CAMTA1: variants seen among roughly 807,000 people sequenced by gnomAD.
CAMTA1 encodes the protein calmodulin binding transcription activator 1.
In CAMTA1, 27 loss-of-function variants were observed where a neutral mutation model predicts 170.9. That is an observed-to-expected ratio of 0.16 (90% CI 0.12 to 0.22). The LOEUF (loss-of-function observed/expected upper bound fraction) is 0.22, where lower values mean the gene tolerates loss of function less well. Among genes scored for constraint, CAMTA1 ranks in the 10% least tolerant of loss-of-function variants. The pLI, the probability that CAMTA1 is intolerant of heterozygous loss-of-function variation, is 1.00. For missense variants in CAMTA1, 1,619 were observed against 2,217.2 expected (o/e 0.73, Z 5.42); for synonymous variants, 833 against 891.5 (o/e 0.93, Z 1.17).
At position 7,698,066 on chromosome 1, in the gene CAMTA1, G is replaced by A. The variant is rs74054228; in HGVS notation, c.2914+20333G>A. 8.5e-3 allele frequency among the ~76,000 whole-genome samples: 839 copies of A among 98,258 alleles called. 9 individuals carry two copies. Among genetic ancestry groups the A allele is most frequent in the African/African-American group, 0.03 (751 of 24,702 alleles). The allele number at this position is 98,258 out of a possible 152,430, so 64.5% of individuals were successfully genotyped here. A position where few individuals can be genotyped will look rare whatever the true frequency, so the allele number is the denominator to read the frequency against. ...TGCTCTGTCAGGTCATGCTGGCCACGCACTGTGACCCCCCCCCCCCCCACC... is the reference window on the plus strand; with the variant it reads ...TGCTCTGTCAGGTCATGCTGGCCACACACTGTGACCCCCCCCCCCCCCACC... On this transcript the variant is annotated intron_variant, in intron 11 of 22. Coordinates refer to ENST00000303635, the MANE Select transcript of CAMTA1 (RefSeq NM_015215.4).
intron 3 of CAMTA1, among the ~76,000 whole-genome samples, chr1:6,836,112 C>T (rs1014036201): frequency 9.2e-5 from 14 of 152,076 alleles, no homozygotes; most frequent in African/African-American, 2.9e-4. Flanking sequence ...CAAGTCTTTT[C>T]GAATACTGCC....
At chr1:6,884,981 A>G (rs1672784909) in intron 3 of CAMTA1, among the ~76,000 whole-genome samples, 1 of 152,250 alleles carries the variant, frequency 6.6e-6, no homozygotes, top group Non-Finnish European at 1.5e-5. Flanking sequence ...CTCATTACAT[A>G]CATTTTCTTA....
chr1:7,019,313 A>T (rs1030532164), intron 3 of CAMTA1, among the ~76,000 whole-genome samples: 8 of 150,968 alleles, frequency 5.3e-5, no homozygotes, highest in African/African-American at 1.9e-4. Context: ...GGACACCTAG[A>T]AATAGGTTCC....
chr1:7,022,463 A>G (rs1454209470), intron 3 of CAMTA1, among the ~76,000 whole-genome samples: 1 of 152,202 alleles, frequency 6.6e-6, no homozygotes, highest in African/African-American at 2.4e-5. Flanking sequence ...TAATTAGTCT[A>G]GGATGACATA....
chr1:7,378,141 T>G (rs2086989038), intron 5 of CAMTA1, among the ~76,000 whole-genome samples: 1 of 152,156 alleles, frequency 6.6e-6, no homozygotes, highest in Non-Finnish European at 1.5e-5. Flanking sequence ...GAGATGGTGT[T>G]AGAGGAAATT....
chr1:7,543,224 A>G (rs1239652831), intron 6 of CAMTA1, among the ~76,000 whole-genome samples: 2 of 152,184 alleles, frequency 1.3e-5, no homozygotes, highest in African/African-American at 2.4e-5. Context: ...GCTGTAATTT[A>G]GTCATTTCCT....
intron 16 of CAMTA1, among the ~76,000 whole-genome samples, chr1:7,743,951 C>G (rs551797080): frequency 1.3e-5 from 2 of 150,290 alleles, no homozygotes; most frequent in East Asian, 3.9e-4. Flanking sequence ...CTCAGCCTCC[C>G]GAGTAGCTGG....
chr1:7,753,879 A>G (rs2096914389), intron 21 of CAMTA1, among the ~76,000 whole-genome samples: 1 of 152,252 alleles, frequency 6.6e-6, no homozygotes, highest in Admixed American at 6.5e-5. Context: ...AGTACTCTGA[A>G]ACAGGAAGTC....
At chr1:6,878,373 C>T (rs1365835233) in intron 3 of CAMTA1, among the ~76,000 whole-genome samples, 3 of 152,208 alleles carry the variant, frequency 2.0e-5, no homozygotes, top group South Asian at 2.1e-4. Flanking sequence ...GATCACAAGA[C>T]GTGTGGTTTT....
At chr1:7,657,455 T>G (rs1226009248) in intron 7 of CAMTA1, among the ~76,000 whole-genome samples, 1 of 152,150 alleles carries the variant, frequency 6.6e-6, no homozygotes, top group Non-Finnish European at 1.5e-5. Context: ...TGGGAATTCC[T>G]CTTTCTGTGC....
At chr1:7,324,477 A>AT (rs1052078624) in intron 5 of CAMTA1, among the ~76,000 whole-genome samples, 2 of 151,820 alleles carry the variant, frequency 1.3e-5, no homozygotes, top group African/African-American at 4.8e-5. Context: ...GTTTGAATTT[A>AT]TTTTTTCCAT....
chr1:7,261,369 T>C (rs1668142162), intron 5 of CAMTA1, among the ~76,000 whole-genome samples: 1 of 152,250 alleles, frequency 6.6e-6, no homozygotes, highest in Non-Finnish European at 1.5e-5. Flanking sequence ...GCTGAGATGC[T>C]GGTAGAGACC....
At chr1:7,311,425 A>G (rs1676715197) in intron 5 of CAMTA1, among the ~76,000 whole-genome samples, 5 of 152,158 alleles carry the variant, frequency 3.3e-5, no homozygotes, top group Admixed American at 3.3e-4. Context: ...GGTAATTTTC[A>G]GTTCTAAAAT....
At chr1:7,135,059 C>T (rs1645466378) in intron 4 of CAMTA1, among the ~76,000 whole-genome samples, 2 of 152,100 alleles carry the variant, frequency 1.3e-5, no homozygotes, top group Admixed American at 1.3e-4. Context: ...ACAGTGAGAT[C>T]CTACCTCACA....
intron 6 of CAMTA1, among the ~76,000 whole-genome samples, chr1:7,605,134 G>T (rs919498583): frequency 2.0e-5 from 3 of 152,186 alleles, no homozygotes; most frequent in Admixed American, 6.5e-5. Flanking sequence ...GGGGGTCAGG[G>T]ACCCACTTGA....
chr1:7,180,252 AGCTACTTGGGAG>A (rs1263239488), intron 4 of CAMTA1, among the ~76,000 whole-genome samples: 2 of 152,074 alleles, frequency 1.3e-5, no homozygotes, highest in African/African-American at 2.4e-5. Flanking sequence ...CTGTAATCCC[AGCTACTTGGGAG>A]GCTGAGGCAG....
intron 4 of CAMTA1, among the ~76,000 whole-genome samples, chr1:7,221,091 G>T (rs576417603): frequency 6.6e-6 from 1 of 152,206 alleles, no homozygotes; most frequent in South Asian, 2.1e-4. Flanking sequence ...TGAATGGCCC[G>T]GCTTTCTCAG....
At position 6,940,231 on chromosome 1, in the gene CAMTA1, T is replaced by TCTA. The variant is rs576943715; in HGVS notation, c.234+115024_234+115026dup. Among the ~76,000 whole-genome samples the TCTA allele has an allele frequency of 1.3e-4, 20 of 152,340 alleles. No individual in the cohort carries two copies. The East Asian group carries it at 2.3e-3, about 18-fold the overall frequency. On this transcript the variant is annotated intron_variant, in intron 3 of 22. Transcript: ENST00000303635. Reference sequence around the variant, plus strand: ...TTATGGAGGCTGAGAAGTCCCATGATCTACTCTCTGTGAACTGGAAACCCA... The same window carrying TCTA: ...TTATGGAGGCTGAGAAGTCCCATGATCTACTACTCTCTGTGAACTGGAAACCCA...
intron 5 of CAMTA1, among the ~76,000 whole-genome samples, chr1:7,442,767 G>A (rs1319844253): frequency 6.6e-6 from 1 of 152,124 alleles, no homozygotes; most frequent in Non-Finnish European, 1.5e-5. Flanking sequence ...ATATCTATGA[G>A]GCACTTTTTA....
Sources: allele counts gnomAD v4.1 joint callset (sites outside exome capture counted in the v4.1 genomes callset), GRCh38; gene constraint gnomAD v4.1.1; transcripts MANE v1.5; gene names NCBI Gene and HGNC (gene_info 2026-07-23, HGNC 2026-07-21).